SNX16: variants seen among roughly 807,000 people sequenced by gnomAD.
SNX16 encodes the protein sorting nexin-16.
A neutral mutation model predicts 36.7 loss-of-function variants in SNX16; 35 were observed. The observed-to-expected ratio is 0.95, with a 90% CI of 0.73 to 1.27. SNX16 has a LOEUF of 1.27. SNX16 is among the 50% of genes most tolerant of loss of function. The pLI is 0.00. For synonymous variants in SNX16, 134 were observed against 132.0 expected (o/e 1.02, Z -0.10); for missense variants, 367 against 393.6 (o/e 0.93, Z 0.57).
chr8:81,820,255 G>A (rs1277539182), intron 4 of SNX16, among the ~76,000 whole-genome samples: 1 of 149,492 alleles, frequency 6.7e-6, no homozygotes, highest in Non-Finnish European at 1.5e-5. Flanking sequence ...CTTTTTAATT[G>A]TAAAAAATGA....
At chr8:81,810,624 T>TTA (rs1270089905) in intron 5 of SNX16, among the ~76,000 whole-genome samples, 2 of 152,206 alleles carry the variant, frequency 1.3e-5, no homozygotes, top group African/African-American at 4.8e-5. Context: ...ACATTCCATA[T>TTA]TACTCTGTTG....
chr8:81,807,696 T>C lies in SNX16; in HGVS notation c.682-4468A>G, dbSNP rs554318505. The C allele has an allele frequency of 8.6e-4, 491 of 573,920 alleles. 4 individuals are homozygous for C. The highest frequency in any genetic ancestry group is 5.0e-4 in the Admixed American group (20 of 40,288). 35.6% of individuals were successfully genotyped at this position (573,920 alleles called of 1,614,324 possible). On this transcript the variant is annotated intron_variant, in intron 5 of 7. Transcript: ENST00000345957. ...AAAAAGTTAAATCAATTAAAAGATCTGAGGTCAGCTTGCTCCTTTCTGCCC... is the reference window on the plus strand; with the variant it reads ...AAAAAGTTAAATCAATTAAAAGATCCGAGGTCAGCTTGCTCCTTTCTGCCC...
Position 81,829,460 on chromosome 8 carries a change from T to C in SNX16, c.432A>G (p.Arg144=), listed in dbSNP as rs1018973278. The C allele has an allele frequency of 7.0e-7, 1 of 1,429,030 alleles. No homozygotes were observed. Among genetic ancestry groups the C allele is most frequent in the Non-Finnish European group, 9.2e-7 (1 of 1,088,802 alleles). 88.5% of individuals were successfully genotyped at this position (1,429,030 alleles called of 1,614,324 possible). The change falls in exon 3 of 8, where the codon AGA becomes AGG. Residue 144 remains arginine (R), a synonymous_variant. Coordinates refer to ENST00000345957, the MANE Select transcript of SNX16 (RefSeq NM_152836.3). ...CATTAAGCCTAGAGAAGTCAGTGTATCTTCTGAAAACTACCCAGCTTTCTT... is the reference window on the plus strand; with the variant it reads ...CATTAAGCCTAGAGAAGTCAGTGTACCTTCTGAAAACTACCCAGCTTTCTT... ...TPEESWVVFR[R]YTDFSRLNDK... is the part of the protein sequence containing the mutation.
At chr8:81,804,216 G>A (rs951839578) in intron 5 of SNX16, among the ~76,000 whole-genome samples, 1 of 151,860 alleles carries the variant, frequency 6.6e-6, no homozygotes, top group Non-Finnish European at 1.5e-5. Context: ...AAAGACATTT[G>A]AACATCAAAG....
intron 4 of SNX16, among the ~76,000 whole-genome samples, chr8:81,816,482 G>A (rs756776805): frequency 6.6e-6 from 1 of 151,790 alleles, no homozygotes; most frequent in Admixed American, 6.6e-5. Flanking sequence ...GAACCACCGC[G>A]ACCGCACCCA....
At chr8:81,811,372 G>A (rs1045013612) in intron 5 of SNX16, among the ~76,000 whole-genome samples, 17 of 152,146 alleles carry the variant, frequency 1.1e-4, no homozygotes, top group Admixed American at 4.6e-4. Context: ...TAGGAGATGG[G>A]AAAGGATTCA....
intron 5 of SNX16, among the ~76,000 whole-genome samples, chr8:81,803,465 T>A (rs1809798223): frequency 6.6e-6 from 1 of 151,992 alleles, no homozygotes; most frequent in African/African-American, 2.4e-5. Flanking sequence ...TCTTAAGACT[T>A]ACAGTAGTAA....
At chr8:81,813,818 T>A (rs1272469917) in intron 5 of SNX16, among the ~76,000 whole-genome samples, 1 of 151,926 alleles carries the variant, frequency 6.6e-6, no homozygotes, top group Non-Finnish European at 1.5e-5. Flanking sequence ...GCATGTGGCA[T>A]GATATCAATA....
At chr8:81,806,920 T>C (rs1809979256) in intron 5 of SNX16, among the ~76,000 whole-genome samples, 1 of 149,526 alleles carries the variant, frequency 6.7e-6, no homozygotes, top group African/African-American at 2.5e-5. Context: ...TTTCCCTAGA[T>C]GAAAAAAATG....
intron 4 of SNX16, among the ~76,000 whole-genome samples, chr8:81,822,966 A>ATATGTATATG (rs375630342): frequency 0.01 from 1,324 of 126,894 alleles, 16 homozygotes; most frequent in African/African-American, 0.021. Context: ...ATATATATAT[A>ATATGTATATG]TATATATATA....
chr8:81,832,598 A>G (rs578218979), intron 2 of SNX16, among the ~76,000 whole-genome samples: 1 of 152,198 alleles, frequency 6.6e-6, no homozygotes, highest in South Asian at 2.1e-4. Context: ...GAAATACCAA[A>G]AAACCCCAAC....
chr8:81,825,535 G>A (rs753123630), intron 3 of SNX16, among the ~76,000 whole-genome samples: 17 of 152,116 alleles, frequency 1.1e-4, no homozygotes, highest in Non-Finnish European at 2.5e-4. Context: ...AATTAAGATT[G>A]AGAACCATTT....
intron 4 of SNX16, among the ~76,000 whole-genome samples, chr8:81,820,505 C>G (rs61190845): frequency 0.09 from 13,658 of 152,034 alleles, 707 homozygotes; most frequent in East Asian, 0.18. Context: ...AAGATATAAT[C>G]TCAAAAAATG....
chr8:81,816,181 C>CTTTTCT (rs1554545062), intron 4 of SNX16, among the ~76,000 whole-genome samples: 2 of 137,832 alleles, frequency 1.5e-5, no homozygotes, highest in African/African-American at 2.7e-5. Flanking sequence ...AAAGGATTTT[C>CTTTTCT]TTTTTTTTTT....
chr8:81,799,896 TAATA>T lies in SNX16; in HGVS notation c.*1597_*1600del, dbSNP rs1472371126. ...TTTTGTAAGTCTAGAATAATAATTT[TAATA>T]AATAAGCAGATCAATTTATTATATT... On this transcript the variant is annotated 3_prime_UTR_variant, in exon 8 of 8. Coordinates refer to ENST00000345957, the MANE Select transcript of SNX16 (RefSeq NM_152836.3). The T allele has an allele frequency of 6.6e-6, 1 of 151,932 alleles. No homozygotes were observed. Among genetic ancestry groups the T allele is most frequent in the Non-Finnish European group, 1.5e-5 (1 of 67,820 alleles). The allele number at this position is 151,932 out of a possible 1,614,324, so 9.4% of individuals were successfully genotyped here. A position where few individuals can be genotyped will look rare whatever the true frequency, so the allele number is the denominator to read the frequency against.
intron 5 of SNX16, among the ~76,000 whole-genome samples, chr8:81,811,978 A>G (rs1260167687): frequency 1.3e-5 from 2 of 152,156 alleles, no homozygotes; most frequent in East Asian, 3.8e-4. Context: ...AAGAGAAAGA[A>G]CAGTTAAAAA....
intron 5 of SNX16, among the ~76,000 whole-genome samples, chr8:81,804,069 T>C (rs1352217251): frequency 2.0e-5 from 3 of 151,820 alleles, no homozygotes; most frequent in Admixed American, 6.6e-5. Context: ...TGTAAGACAG[T>C]AGGGGACTGG....
At chr8:81,836,379 T>A (rs1811497988) in intron 2 of SNX16, among the ~76,000 whole-genome samples, 2 of 152,218 alleles carry the variant, frequency 1.3e-5, no homozygotes, top group South Asian at 4.1e-4. Flanking sequence ...CTTATATGTA[T>A]ACACACACAT....
intron 4 of SNX16, among the ~76,000 whole-genome samples, chr8:81,816,125 C>A (rs1348040344): frequency 6.6e-6 from 1 of 151,196 alleles, no homozygotes; most frequent in African/African-American, 2.4e-5. Context: ...AATGTGGATC[C>A]TTATTTTAGA....
Sources: allele counts gnomAD v4.1 joint callset (sites outside exome capture counted in the v4.1 genomes callset), GRCh38; gene constraint gnomAD v4.1.1; transcripts MANE v1.5; gene names NCBI Gene and HGNC (gene_info 2026-07-23, HGNC 2026-07-21).